The following DDX54 variants were observed in gnomAD, a reference collection of about 807,000 sequenced individuals.
DDX54 encodes ATP-dependent RNA helicase DDX54.
In DDX54, 67 loss-of-function variants were observed where a neutral mutation model predicts 105.5. That is an observed-to-expected ratio of 0.64 (90% CI 0.52 to 0.78). The LOEUF (loss-of-function observed/expected upper bound fraction) is 0.78, where lower values mean the gene tolerates loss of function less well. DDX54 is among the 30% of genes least tolerant of loss of function. The pLI is 0.00. For missense variants in DDX54, 1,206 were observed against 1,230.5 expected, an observed-to-expected ratio of 0.98 and a Z score of 0.30; for synonymous variants, 514 against 509.9, an observed-to-expected ratio of 1.01 and a Z score of -0.11.
In DDX54 at chr12:113,157,534, G is replaced by A. The variant is rs1388609142; in HGVS notation, c.*1343C>T. The A allele has an allele frequency of 6.0e-6, 8 of 1,334,626 alleles. No homozygotes were observed. The highest frequency in any genetic ancestry group is 1.8e-4 in the Middle Eastern group (1 of 5,598). 82.7% of individuals were successfully genotyped at this position (1,334,626 alleles called of 1,614,324 possible). A position where few individuals can be genotyped will look rare whatever the true frequency, so the allele number is the denominator to read the frequency against. On this transcript the variant is annotated 3_prime_UTR_variant, in exon 20 of 20. Coordinates refer to ENST00000306014, the MANE Select transcript of DDX54 (RefSeq NM_024072.4). Reference sequence around the variant, plus strand: ...CGCCCTACCTTTCGGCCTCCCCCGCGTGTTGAGGGGTGGGGGCTGGACAGT... The same window carrying A: ...CGCCCTACCTTTCGGCCTCCCCCGCATGTTGAGGGGTGGGGGCTGGACAGT...
chr12:113,168,745 A>G (rs1314211519), intron 12 of DDX54, among the ~76,000 whole-genome samples: 1 of 152,176 alleles, frequency 6.6e-6, no homozygotes, highest in Non-Finnish European at 1.5e-5. Context: ...AGCGTGGCCA[A>G]CATGGTGAAA....
chr12:113,173,107 A>T (rs1047757650), intron 10 of DDX54, among the ~76,000 whole-genome samples: 2 of 152,210 alleles, frequency 1.3e-5, no homozygotes, highest in African/African-American at 4.8e-5. Flanking sequence ...CGGGAAACCA[A>T]GGCTGGAAAA....
rs1015528370 is a variant in DDX54, at chr12:113,157,501, C to T, written c.*1376G>A. The T allele has an allele frequency of 1.1e-6, 1 of 879,184 alleles. No individual in the cohort carries two copies. The highest frequency in any genetic ancestry group is 1.8e-6 in the Non-Finnish European group (1 of 551,698). The allele number at this position is 879,184 out of a possible 1,614,324, so 54.5% of individuals were successfully genotyped here. Reference sequence around the variant, plus strand: ...CACTGTTCTTTTAATGAGGGGATCTCCAGTCCCCGCCCTACCTTTCGGCCT... The same window carrying T: ...CACTGTTCTTTTAATGAGGGGATCTTCAGTCCCCGCCCTACCTTTCGGCCT... On this transcript the variant is annotated 3_prime_UTR_variant, in exon 20 of 20. Transcript: ENST00000306014.
At chr12:113,181,914 G>T (rs918089027) in intron 1 of DDX54, among the ~76,000 whole-genome samples, 1 of 152,022 alleles carries the variant, frequency 6.6e-6, no homozygotes, top group African/African-American at 2.4e-5. Flanking sequence ...AGCACTGGGA[G>T]GCTGAGGTGG....
intron 5 of DDX54, 110 bp downstream of exon 5, chr12:113,178,867 A>G: frequency 7.1e-7 from 1 of 1,411,774 alleles, no homozygotes; most frequent in Non-Finnish European, 9.7e-7. Context: ...GAATGAGCAC[A>G]GAAGCTGCTA....
At chr12:113,184,220 A>G (rs1343385568) in intron 1 of DDX54, among the ~76,000 whole-genome samples, 2 of 152,180 alleles carry the variant, frequency 1.3e-5, no homozygotes, top group East Asian at 3.8e-4. Flanking sequence ...TGCTGGGATT[A>G]CAGGCGTGAG....
intron 10 of DDX54, 53 bp from the exon 11 acceptor site, chr12:113,172,616 G>A: frequency 6.3e-7 from 1 of 1,595,104 alleles, no homozygotes. Context: ...GAGGAGAAAG[G>A]AAAGGAAGCC....
At chr12:113,184,402 T>C (rs1474254616) in intron 1 of DDX54, among the ~76,000 whole-genome samples, 5 of 152,144 alleles carry the variant, frequency 3.3e-5, no homozygotes, top group African/African-American at 1.2e-4. Context: ...TTCTTAACCC[T>C]CTAGGCCTCA....
chr12:113,163,550 C>T lies in DDX54; in HGVS notation c.1939-276G>A, dbSNP rs992202195. ...GTGCCGGCCGAGGGAGACCCAACTC[C>T]CCATTCCAGCTCCGCACCCCAGGCT... On this transcript the variant is annotated intron_variant, in intron 15 of 19. Coordinates refer to ENST00000306014, the MANE Select transcript of DDX54 (RefSeq NM_024072.4). The surrounding 1 kb of genome is among the most constrained non-coding windows in gnomAD (Gnocchi z 5.9). 3.9e-5 allele frequency among the ~76,000 whole-genome samples: 6 copies of T among 152,160 alleles called. No individual in the cohort carries two copies. Among genetic ancestry groups the T allele is most frequent in the African/African-American group, 1.2e-4 (5 of 41,428 alleles).
intron 1 of DDX54, chr12:113,183,810 A>T (rs1952493146): frequency 6.7e-6 from 1 of 149,896 alleles, no homozygotes; most frequent in Non-Finnish European, 1.5e-5. Context: ...TTTTGGAGAC[A>T]GAGTCTTGCT....
At chr12:113,179,093 C>T (rs567218767) in intron 4 of DDX54, 50 bp downstream of exon 4, 11 of 1,612,918 alleles carry the variant, frequency 6.8e-6, no homozygotes, top group African/African-American at 5.3e-5. Flanking sequence ...CCTCTGTGTC[C>T]GGTCCCAAGT....
rs564452233 is a variant in DDX54, at chr12:113,164,137, G to A, written c.1868C>T (p.Pro623Leu). Residue 623 changes from proline to leucine, a missense_variant, in exon 15 of 20, where the codon CCG becomes CTG. Coordinates refer to ENST00000306014, the MANE Select transcript of DDX54 (RefSeq NM_024072.4). ...CTTCTCCTGCAGTGCTGGGCGGCTC[G>A]GGGCTGGGCCCACTGGGCCCTCCTG... ...EQQEGPVGPA[P>L]SRPALQEKQP... 9.7e-6 allele frequency: 15 copies of A among 1,553,130 alleles called. No individual in the cohort carries two copies. Among genetic ancestry groups the A allele is most frequent in the South Asian group, 3.6e-5 (3 of 84,374 alleles).
At position 113,169,809 on chromosome 12, in the gene DDX54, G is replaced by T; in HGVS notation, c.1375C>A (p.Arg459Ser). 6.2e-7 allele frequency: 1 copy of T among 1,614,038 alleles called. No homozygotes were observed. Among genetic ancestry groups the T allele is most frequent in the Non-Finnish European group, 8.5e-7 (1 of 1,179,994 alleles). ...AGGGGTCGGGCGAGGGTGAGGGAGC[G>T]GCCCAGGAACAGGTGCAGATCCAGC... ...YLLDLHLFLG[R>S]SLTLARPLKE... Residue 459 changes from arginine (R) to serine (S), a missense_variant, in exon 12 of 20, where the codon CGC (arginine) becomes AGC (serine). Transcript: ENST00000306014.
In DDX54 at chr12:113,162,990, G is replaced by C; in HGVS notation, c.2137C>G (p.Leu713Val). 6.2e-7 allele frequency: 1 copy of C among 1,609,196 alleles called. No individual in the cohort carries two copies. The highest frequency in any genetic ancestry group is 8.5e-7 in the Non-Finnish European group (1 of 1,179,828). ...AFEQQAAGAV[L>V]DLMGDEAQNL... Reference sequence around the variant, plus strand: ...TGGGCTTCATCCCCCATCAAGTCCAGGACAGCGCCAGCTGCCTGCTGCTCA... The same window carrying C: ...TGGGCTTCATCCCCCATCAAGTCCACGACAGCGCCAGCTGCCTGCTGCTCA... The change falls in exon 17 of 20, where the codon CTG (leucine) becomes GTG (valine). Residue 713 changes from leucine to valine, a missense_variant. Leu to Val is a conservative substitution (Grantham distance 32). This residue lies in a region of DDX54 where 961 missense variants were observed against 1,019.1 expected (regional missense o/e 0.94). Coordinates refer to ENST00000306014, the MANE Select transcript of DDX54 (RefSeq NM_024072.4).
chr12:113,172,328 C>T, intron 11 of DDX54, 25 bp downstream of exon 11: 1 of 1,607,050 alleles, frequency 6.2e-7, no homozygotes, highest in Non-Finnish European at 8.5e-7. Flanking sequence ...CCTGCCTGCC[C>T]CAGGGCCAGC....
chr12:113,179,903 C>T (rs375520055), intron 3 of DDX54, 32 bp downstream of exon 3: 12 of 1,612,022 alleles, frequency 7.4e-6, no homozygotes, highest in Admixed American at 1.7e-5. Flanking sequence ...ACTCCTCCCT[C>T]GCCCTCACCC....
At chr12:113,179,905 C>T (rs1382206207) in intron 3 of DDX54, 30 bp downstream of exon 3, 1 of 1,613,658 alleles carries the variant, frequency 6.2e-7, no homozygotes, top group East Asian at 2.2e-5. Flanking sequence ...TCCTCCCTCG[C>T]CCTCACCCGT....
rs1471206274 is a variant in DDX54 at position 113,179,209 on chromosome 12, C to G, written c.498G>C (p.Gly166=). The G allele has an allele frequency of 6.2e-7, 1 of 1,614,106 alleles. No homozygotes were observed. The highest frequency in any genetic ancestry group is 2.2e-5 in the East Asian group (1 of 44,876). ...ERLKTHSAQT[G]ARALILSPTR... is the part of the protein sequence containing the mutation. ...TCGGCGAGAGGATGAGGGCGCGGGCCCCGGTCTGGGCACTGTGGGTCTTGA... is the reference window on the plus strand; with the variant it reads ...TCGGCGAGAGGATGAGGGCGCGGGCGCCGGTCTGGGCACTGTGGGTCTTGA... The change falls in exon 4 of 20, where the codon GGG becomes GGC. Residue 166 remains glycine (G), a synonymous_variant. Transcript: ENST00000306014.
At chr12:113,166,434 C>T (rs990069707) in intron 12 of DDX54, among the ~76,000 whole-genome samples, 1 of 152,028 alleles carries the variant, frequency 6.6e-6, no homozygotes, top group African/African-American at 2.4e-5. Flanking sequence ...GGTGCGGTGG[C>T]TCATGCCTAT....
Sources: allele counts gnomAD v4.1 joint callset (sites outside exome capture counted in the v4.1 genomes callset), GRCh38; gene constraint gnomAD v4.1.1; regional missense constraint gnomAD v4.1.1; non-coding constraint Gnocchi (gnomAD v3.1); transcripts MANE v1.5; gene names NCBI Gene and HGNC (gene_info 2026-07-23, HGNC 2026-07-21).